Variants in GATAD2B observed in about 807,000 individuals in gnomAD.
GATAD2B encodes transcriptional repressor p66-beta.
A neutral mutation model predicts 64.3 loss-of-function variants in GATAD2B; 8 were observed. The observed-to-expected ratio is 0.12, with a 90% confidence interval of 0.07 to 0.22. GATAD2B has a LOEUF of 0.22. Ranked by LOEUF, GATAD2B falls within the 10% of genes least tolerant of loss-of-function variation. GATAD2B has a pLI of 1.00. For missense variants in GATAD2B, 453 were observed against 752.0 expected, an observed-to-expected ratio of 0.60 and a Z score of 4.65; for synonymous variants, 281 against 271.3, an observed-to-expected ratio of 1.04 and a Z score of -0.35.
intron 1 of GATAD2B, among the ~76,000 whole-genome samples, chr1:153,865,290 T>C (rs1481566536): frequency 1.3e-5 from 2 of 151,948 alleles, no homozygotes; most frequent in African/African-American, 4.8e-5. Context: ...TGAAACCCCG[T>C]CTCTACTAAA....
chr1:153,831,243 C>G (rs1675068535), intron 1 of GATAD2B, among the ~76,000 whole-genome samples: 1 of 152,114 alleles, frequency 6.6e-6, no homozygotes, highest in African/African-American at 2.4e-5. Flanking sequence ...GAACAGAAAA[C>G]CAAACACTGC....
At chr1:153,909,314 C>T (rs986492093) in intron 1 of GATAD2B, among the ~76,000 whole-genome samples, 23 of 151,438 alleles carry the variant, frequency 1.5e-4, no homozygotes, top group Non-Finnish European at 3.2e-4. Context: ...CCTGGGTTCA[C>T]GCCATTCTCC....
In GATAD2B at chr1:153,805,883, G is replaced by A. The variant is rs990869532; in HGVS notation, c.*4294C>T. The A allele has an allele frequency of 1.3e-5, 2 of 152,126 alleles. No homozygotes were observed. Among genetic ancestry groups the A allele is most frequent in the African/African-American group, 4.8e-5 (2 of 41,396 alleles). 9.4% of individuals were successfully genotyped at this position (152,126 alleles called of 1,614,324 possible). ...ACAAAGTCCTGGACCAGGAGGTCTT[G>A]GCTTTCACAGGAGCTCAGCCTCACC... On this transcript the variant is annotated 3_prime_UTR_variant, in exon 11 of 11. Coordinates refer to ENST00000368655, the MANE Select transcript of GATAD2B (RefSeq NM_020699.4).
chr1:153,813,501 T>C (rs775916678), intron 7 of GATAD2B, 49 bp from the exon 8 acceptor site: 7 of 1,248,380 alleles, frequency 5.6e-6, no homozygotes, highest in Non-Finnish European at 8.2e-6. Flanking sequence ...CTATCTCCTC[T>C]GTTTCTCTTA....
chr1:153,906,178 G>A (rs533364768), intron 1 of GATAD2B, among the ~76,000 whole-genome samples: 3 of 151,878 alleles, frequency 2.0e-5, no homozygotes, highest in African/African-American at 2.4e-5. Context: ...GAGAGCCAGA[G>A]GCTCTCTTGA....
At chr1:153,918,983 AACTAGCCAGGT>A (rs1678348423) in intron 1 of GATAD2B, among the ~76,000 whole-genome samples, 1 of 152,174 alleles carries the variant, frequency 6.6e-6, no homozygotes, top group Non-Finnish European at 1.5e-5. Context: ...AATAAAATGG[AACTAGCCAGGT>A]GTGAAAAACA....
At chr1:153,881,056 C>G (rs1676994961) in intron 1 of GATAD2B, among the ~76,000 whole-genome samples, 1 of 152,014 alleles carries the variant, frequency 6.6e-6, no homozygotes, top group African/African-American at 2.4e-5. Context: ...GTCCATCAGC[C>G]CAAGCAAGCA....
rs565890334 is a variant in GATAD2B at position 153,823,723 on chromosome 1, T to G, written c.336-3988A>C. Among the ~76,000 whole-genome samples, 137 of 151,760 alleles carry G rather than the reference T, an allele frequency of 9.0e-4. No homozygotes were observed. The Middle Eastern group carries it at 0.014, about 15-fold the overall frequency. On this transcript the variant is annotated intron_variant, in intron 2 of 10. Coordinates refer to ENST00000368655, the MANE Select transcript of GATAD2B (RefSeq NM_020699.4). The stretch of plus-strand genomic sequence containing the variant: ...GAATCTATCGGTTTTGCTTTTTTTT[T>G]TTGTTTTTTTGTTTGTTTTTTTTTT...
intron 1 of GATAD2B, among the ~76,000 whole-genome samples, chr1:153,882,249 A>G (rs1332599493): frequency 6.6e-6 from 1 of 152,104 alleles, no homozygotes; most frequent in Non-Finnish European, 1.5e-5. Flanking sequence ...TTAACTGTTT[A>G]GTTTCCAAAG....
intron 1 of GATAD2B, 47 bp from the exon 2 acceptor site, chr1:153,828,395 T>C (rs942193253): frequency 2.1e-6 from 3 of 1,424,790 alleles, no homozygotes; most frequent in South Asian, 1.2e-5. Flanking sequence ...GTCCCTTAAA[T>C]AGTCCATTTT....
At chr1:153,832,396 G>A (rs1394431711) in intron 1 of GATAD2B, among the ~76,000 whole-genome samples, 1 of 152,216 alleles carries the variant, frequency 6.6e-6, no homozygotes, top group Non-Finnish European at 1.5e-5. Context: ...AAGCCAAAGC[G>A]TAATTCAGAA....
chr1:153,838,908 G>A (rs765440602), intron 1 of GATAD2B, among the ~76,000 whole-genome samples: 15 of 151,940 alleles, frequency 9.9e-5, no homozygotes, highest in East Asian at 1.9e-4. Context: ...CTGGGAGTTC[G>A]AGATCAGCCT....
intron 1 of GATAD2B, among the ~76,000 whole-genome samples, chr1:153,841,124 CAA>C (rs941317761): frequency 2.5e-4 from 19 of 77,412 alleles, no homozygotes; most frequent in Admixed American, 5.4e-4. Flanking sequence ...GACTCCGTCT[CAA>C]AAAAAAAAAA....
intron 1 of GATAD2B, chr1:153,890,487 C>CAA (rs528531915): frequency 5.2e-4 from 38 of 72,860 alleles, no homozygotes; most frequent in East Asian, 4.2e-3. Flanking sequence ...GACTCCGTCT[C>CAA]AAAAAAAAAA....
chr1:153,910,102 A>G (rs1678069033), intron 1 of GATAD2B, among the ~76,000 whole-genome samples: 1 of 152,010 alleles, frequency 6.6e-6, no homozygotes, highest in Non-Finnish European at 1.5e-5. Flanking sequence ...CAACAGAGTG[A>G]GACTCCGTCT....
intron 1 of GATAD2B, among the ~76,000 whole-genome samples, chr1:153,911,403 A>G (rs532002065): frequency 6.6e-6 from 1 of 152,350 alleles, no homozygotes; most frequent in African/African-American, 2.4e-5. Flanking sequence ...AGATTTACTA[A>G]GCAGTGCATC....
At chr1:153,866,977 AC>A (rs1371936941) in intron 1 of GATAD2B, among the ~76,000 whole-genome samples, 1 of 152,076 alleles carries the variant, frequency 6.6e-6, no homozygotes, top group Non-Finnish European at 1.5e-5. Flanking sequence ...ACGGGGTTTC[AC>A]CATGTTGGTC....
chr1:153,815,896 T>G (rs956577358), intron 7 of GATAD2B, among the ~76,000 whole-genome samples: 1 of 152,126 alleles, frequency 6.6e-6, no homozygotes, highest in Admixed American at 6.5e-5. Flanking sequence ...CTACTAAAAA[T>G]ACAAAAATTA....
At chr1:153,829,986 C>G (rs4128790) in intron 1 of GATAD2B, among the ~76,000 whole-genome samples, 13,680 of 151,322 alleles carry the variant, frequency 0.09, 861 homozygotes, top group South Asian at 0.17. Context: ...GTCCCAGCTA[C>G]CTGAGAGGCT....
Sources: allele counts gnomAD v4.1 joint callset (sites outside exome capture counted in the v4.1 genomes callset), GRCh38; gene constraint gnomAD v4.1.1; transcripts MANE v1.5; gene names NCBI Gene and HGNC (gene_info 2026-07-23, HGNC 2026-07-21).